Variants in CCDC7 observed in about 807,000 individuals in gnomAD.
CCDC7 encodes the protein coiled-coil domain-containing protein 7.
A neutral mutation model predicts 196.9 loss-of-function variants in CCDC7; 183 were observed. That is an observed-to-expected ratio of 0.93 (90% confidence interval 0.82 to 1.05). The LOEUF (loss-of-function observed/expected upper bound fraction) is 1.05, where lower values mean the gene tolerates loss of function less well. Ranked by LOEUF, CCDC7 falls within the 50% of genes least tolerant of loss-of-function variation. The probability of loss-of-function intolerance (pLI) is 0.00; values close to 1 mark genes in which losing one functional copy is unlikely to be tolerated. For missense variants in CCDC7, 1,540 were observed against 1,482.2 expected, an observed-to-expected ratio of 1.04 and a Z score of -0.64; for synonymous variants, 525 against 484.6, an observed-to-expected ratio of 1.08 and a Z score of -1.10.
chr10:32,486,532 A>C (rs10827063), intron 8 of CCDC7, among the ~76,000 whole-genome samples: 77,135 of 85,986 alleles, frequency 0.9, 35,536 homozygotes, highest in East Asian at 1. Context: ...GAATTTGATC[A>C]TGTCATTATG....
intron 5 of CCDC7, among the ~76,000 whole-genome samples, chr10:32,464,779 G>A (rs1401795477): frequency 6.6e-6 from 1 of 152,152 alleles, no homozygotes; most frequent in East Asian, 1.9e-4. Flanking sequence ...CCAAAGTGCT[G>A]GGATTACAGG....
At chr10:32,851,325 T>G (rs2093556696) in intron 39 of CCDC7, among the ~76,000 whole-genome samples, 1 of 152,204 alleles carries the variant, frequency 6.6e-6, no homozygotes, top group South Asian at 2.1e-4. Context: ...ATTTCCTTCT[T>G]GACACAGTAG....
At chr10:32,482,745 G>C (rs1055698768) in intron 8 of CCDC7, among the ~76,000 whole-genome samples, 6 of 151,962 alleles carry the variant, frequency 3.9e-5, no homozygotes, top group African/African-American at 7.3e-5. Flanking sequence ...GAGGACATGC[G>C]GTGTTTGGTT....
intron 40 of CCDC7, among the ~76,000 whole-genome samples, chr10:32,852,295 C>T (rs1202437111): frequency 6.6e-6 from 1 of 152,118 alleles, no homozygotes; most frequent in Non-Finnish European, 1.5e-5. Flanking sequence ...AATAGAAAGA[C>T]AACATAAGGA....
At chr10:32,571,413 T>C (rs568364086) in intron 15 of CCDC7, among the ~76,000 whole-genome samples, 3 of 152,296 alleles carry the variant, frequency 2.0e-5, no homozygotes, top group African/African-American at 7.2e-5. Context: ...CCACAGTTTA[T>C]TATATATAGT....
chr10:32,490,640 C>T (rs545116733), intron 8 of CCDC7, among the ~76,000 whole-genome samples: 1 of 152,000 alleles, frequency 6.6e-6, no homozygotes, highest in African/African-American at 2.4e-5. Flanking sequence ...ACTAAAAATA[C>T]AAAAAAATTA....
chr10:32,644,368 C>A (rs1366580331), intron 20 of CCDC7, among the ~76,000 whole-genome samples: 1 of 152,196 alleles, frequency 6.6e-6, no homozygotes. Flanking sequence ...AACCCCTCCA[C>A]AGCCTCTGAT....
At chr10:32,589,897 G>T (rs1338850080) in intron 18 of CCDC7, among the ~76,000 whole-genome samples, 2 of 151,838 alleles carry the variant, frequency 1.3e-5, no homozygotes, top group Non-Finnish European at 2.9e-5. Flanking sequence ...GTTTCCATTT[G>T]CATGGAATAT....
At chr10:32,758,371 A>T (rs1347941884) in intron 28 of CCDC7, among the ~76,000 whole-genome samples, 2 of 152,190 alleles carry the variant, frequency 1.3e-5, no homozygotes, top group Non-Finnish European at 2.9e-5. Context: ...GGCAATCCGA[A>T]TCCAGCAGCA....
At chr10:32,668,346 T>C (rs889669998) in intron 21 of CCDC7, among the ~76,000 whole-genome samples, 12 of 152,148 alleles carry the variant, frequency 7.9e-5, no homozygotes, top group South Asian at 2.1e-4. Flanking sequence ...CTTTTCCTAA[T>C]TGAATACCCT....
At chr10:32,844,650 A>G (rs1015454001) in intron 33 of CCDC7, among the ~76,000 whole-genome samples, 1 of 151,864 alleles carries the variant, frequency 6.6e-6, no homozygotes, top group Non-Finnish European at 1.5e-5. Flanking sequence ...TAAGAGATGC[A>G]TTATATGGTA....
intron 18 of CCDC7, among the ~76,000 whole-genome samples, chr10:32,592,875 G>A (rs2137909014): frequency 6.6e-6 from 1 of 152,260 alleles, no homozygotes; most frequent in Admixed American, 6.5e-5. Flanking sequence ...TAAAGGACAT[G>A]AACTCATCCT....
intron 11 of CCDC7, among the ~76,000 whole-genome samples, chr10:32,538,030 A>G (rs1364109238): frequency 6.6e-6 from 1 of 152,152 alleles, no homozygotes; most frequent in Non-Finnish European, 1.5e-5. Flanking sequence ...TCTGTGAAGA[A>G]CGACATTGGT....
At chr10:32,451,911 A>T in exon 1 of CCDC7, 3 of 1,611,030 alleles carry the variant, frequency 1.9e-6, no homozygotes, top group Non-Finnish European at 2.5e-6. Flanking sequence ...ATTATCAAAC[A>T]TCTGAAGATG....
At chr10:32,594,763 C>T (rs1027684781) in intron 18 of CCDC7, among the ~76,000 whole-genome samples, 10 of 152,034 alleles carry the variant, frequency 6.6e-5, no homozygotes, top group African/African-American at 2.2e-4. Context: ...GCATGAAGCG[C>T]TGTTGAATTT....
At chr10:32,511,265 GGGGGC>G (rs1564506447) in intron 9 of CCDC7, 20 of 542,210 alleles carry the variant, frequency 3.7e-5, no homozygotes, top group African/African-American at 6.7e-5. Flanking sequence ...GGGGGGCGGG[GGGGGC>G]GGGGAAATGT....
chr10:32,757,772 T>TA, intron 28 of CCDC7, among the ~76,000 whole-genome samples: 1 of 151,800 alleles, frequency 6.6e-6, no homozygotes, highest in East Asian at 1.9e-4. Flanking sequence ...CTGAAGGAGA[T>TA]AGAGACAGAA....
At chr10:32,643,128 A>G (rs1285000716) in intron 20 of CCDC7, among the ~76,000 whole-genome samples, 1 of 151,998 alleles carries the variant, frequency 6.6e-6, no homozygotes, top group East Asian at 1.9e-4. Context: ...TTCTCCTCCT[A>G]TTATTTTGGA....
At chr10:32,689,845 C>T (rs1398647789) in intron 23 of CCDC7, among the ~76,000 whole-genome samples, 3 of 152,072 alleles carry the variant, frequency 2.0e-5, no homozygotes, top group African/African-American at 7.2e-5. Flanking sequence ...AGTGATTTTC[C>T]TGCCTCAGCC....
Sources: allele counts gnomAD v4.1 joint callset (sites outside exome capture counted in the v4.1 genomes callset), GRCh38; gene constraint gnomAD v4.1.1; transcripts MANE v1.5; gene names NCBI Gene and HGNC (gene_info 2026-07-23, HGNC 2026-07-21).